The following MPND variants were observed in gnomAD, a reference collection of about 807,000 sequenced individuals.
MPND encodes MPN domain-containing protein.
In MPND, 56 loss-of-function variants were observed where a neutral mutation model predicts 59.2. The ratio of observed to expected loss-of-function variants is 0.95; its 90% CI spans 0.76 to 1.18. MPND has a LOEUF of 1.18. Among genes scored for constraint, MPND ranks in the 50% most tolerant of loss-of-function variants. The probability of loss-of-function intolerance (pLI) is 0.00; values close to 1 mark genes in which losing one functional copy is unlikely to be tolerated. For missense variants in MPND, 671 were observed against 676.0 expected, an observed-to-expected ratio of 0.99 and a Z score of 0.08; for synonymous variants, 323 against 291.9, an observed-to-expected ratio of 1.11 and a Z score of -1.09.
chr19:4,351,628 C>T lies in MPND; in HGVS notation c.532-1269C>T, dbSNP rs1036314148. ...CTTTAATCCCAGCACTTTGGGTGGC[C>T]GAGATGGGCAAATCACAAGGTCAGA... On this transcript the variant is annotated intron_variant, in intron 3 of 12. Transcript: ENST00000599840. Among the ~76,000 whole-genome samples, 220 of 147,838 alleles carry T rather than the reference C, an allele frequency of 1.5e-3. 1 individual carries two copies. Among genetic ancestry groups the T allele is most frequent in the African/African-American group, 5.3e-3 (213 of 40,080 alleles).
chr19:4,343,695 TCGCTGTC>T lies in MPND; in HGVS notation c.8-9_8-3del. On this transcript the variant is annotated splice_region_variant and splice_polypyrimidine_tract_variant and intron_variant, in intron 1 of 12. Transcript: ENST00000599840. ...GGGCGAGCGGCCTCCCTGCAGCCTC[TCGCTGTC>T]CGCAGCTCCGGAGCCGCTGTCCCCG... The T allele has an allele frequency of 8.4e-7, 1 of 1,195,364 alleles. No homozygotes were observed. Among genetic ancestry groups the T allele is most frequent in the Non-Finnish European group, 1.0e-6 (1 of 965,168 alleles). 74.0% of individuals were successfully genotyped at this position (1,195,364 alleles called of 1,614,324 possible).
intron 1 of MPND, 21 bp downstream of exon 1, chr19:4,343,621 C>A (rs1972115465): frequency 1.1e-6 from 1 of 883,650 alleles, no homozygotes; most frequent in East Asian, 5.2e-5. Context: ...CCCAGCGGGG[C>A]GGAGGCGCGG....
chr19:4,359,189 T>C lies in MPND; in HGVS notation c.1353T>C (p.Gly451=). 2 of 1,612,608 alleles carry C rather than the reference T, an allele frequency of 1.2e-6. No individual in the cohort carries two copies. Among genetic ancestry groups the C allele is most frequent in the Non-Finnish European group, 1.7e-6 (2 of 1,179,446 alleles). Reference sequence around the variant, plus strand: ...TGCTGCTGGTGGAGTTCTACAAGGGTTCCCCTGACCTCGTGAGGCTCCAGG... The same window carrying C: ...TGCTGCTGGTGGAGTTCTACAAGGGCTCCCCTGACCTCGTGAGGCTCCAGG... The part of the protein sequence containing the change: ...EMMLLVEFYK[G]SPDLVRLQEP... The change falls in exon 12 of 13, where the codon GGT becomes GGC. Residue 451 remains glycine, a synonymous_variant. Transcript: ENST00000599840.
At chr19:4,358,299 G>C (rs1972491085) in intron 11 of MPND, 127 bp downstream of exon 11, 3 of 805,862 alleles carry the variant, frequency 3.7e-6, no homozygotes, top group Non-Finnish European at 6.0e-6. Context: ...GCCTGGGTTA[G>C]GGCTTCTTCC....
At chr19:4,359,116 C>A (rs1180896115) in intron 11 of MPND, 47 bp from the exon 12 acceptor site, 3 of 1,416,644 alleles carry the variant, frequency 2.1e-6, no homozygotes, top group Non-Finnish European at 3.0e-6. Flanking sequence ...GCTGAGGTAC[C>A]TCAGGCTTGG....
chr19:4,353,027 C>G lies in MPND; in HGVS notation c.662C>G (p.Pro221Arg). 2 of 1,339,916 alleles carry G rather than the reference C, an allele frequency of 1.5e-6. No homozygotes were observed. The highest frequency in any genetic ancestry group is 1.9e-6 in the Non-Finnish European group (2 of 1,034,746). 83.0% of individuals were successfully genotyped at this position (1,339,916 alleles called of 1,614,324 possible). A position where few individuals can be genotyped will look rare whatever the true frequency, so the allele number is the denominator to read the frequency against. Residue 221 changes from proline to arginine, a missense_variant and splice_region_variant, in exon 4 of 13, where the codon CCG (proline) becomes CGG (arginine). Transcript: ENST00000599840. ...AAGAGCCCTTCAGAGCCTGCCCACC[C>G]GGGTGAGAGGCGTGGGGAGGGGAGG... ...LGKSPSEPAH[P>R]EATTPGKRVD...
At chr19:4,353,602 C>T (rs1382240638) in intron 4 of MPND, among the ~76,000 whole-genome samples, 1 of 151,968 alleles carries the variant, frequency 6.6e-6, no homozygotes, top group Non-Finnish European at 1.5e-5. Flanking sequence ...TGCTCTGTCC[C>T]CCAGGGCAGA....
intron 11 of MPND, among the ~76,000 whole-genome samples, chr19:4,358,743 C>T (rs914681777): frequency 6.6e-6 from 1 of 152,202 alleles, no homozygotes; most frequent in Non-Finnish European, 1.5e-5. Context: ...GCCGAGATCA[C>T]GCCACTGCGC....
intron 12 of MPND, among the ~76,000 whole-genome samples, chr19:4,359,681 C>G (rs896057750): frequency 2.6e-5 from 4 of 152,120 alleles, no homozygotes; most frequent in African/African-American, 9.7e-5. Flanking sequence ...GGGGCAGGAT[C>G]GGGAGTGTGC....
chr19:4,357,955 C>CGATCCCGGTGCA, intron 10 of MPND, 128 bp from the exon 11 acceptor site: 2 of 730,670 alleles, frequency 2.7e-6, no homozygotes, highest in Non-Finnish European at 4.6e-6. Flanking sequence ...CACCAGGTGC[C>CGATCCCGGTGCA]GATCCCGGTG....
chr19:4,355,624 C>T (rs956880455), intron 8 of MPND, among the ~76,000 whole-genome samples: 13 of 151,006 alleles, frequency 8.6e-5, no homozygotes, highest in Non-Finnish European at 5.9e-5. Context: ...CGTGAGCCAC[C>T]GTGCCCAGCT....
intron 4 of MPND, among the ~76,000 whole-genome samples, 193 bp downstream of exon 4, chr19:4,353,222 T>C (rs11085071): frequency 0.33 from 50,218 of 152,048 alleles, 8,783 homozygotes; most frequent in East Asian, 0.65. Flanking sequence ...TTTTACTCAC[T>C]GCCTTGACTT....
At chr19:4,359,096 C>T in intron 11 of MPND, 67 bp from the exon 12 acceptor site, 1 of 1,107,164 alleles carries the variant, frequency 9.0e-7, no homozygotes, top group East Asian at 2.4e-5. Flanking sequence ...ACTGGAACCC[C>T]AGGAGAGGCG....
At chr19:4,346,785 TTTTGG>T (rs1198314718) in intron 3 of MPND, among the ~76,000 whole-genome samples, 1 of 149,998 alleles carries the variant, frequency 6.7e-6, no homozygotes, top group Admixed American at 6.7e-5. Context: ...AATCCCAGCA[TTTTGG>T]GAGGCTGAAG....
intron 2 of MPND, among the ~76,000 whole-genome samples, 168 bp downstream of exon 2, chr19:4,344,162 C>G (rs1972134761): frequency 6.7e-6 from 1 of 148,832 alleles, no homozygotes; most frequent in Non-Finnish European, 1.5e-5. Flanking sequence ...AACTGAGGCC[C>G]GGGGCTCCGT....
intron 3 of MPND, among the ~76,000 whole-genome samples, chr19:4,347,546 G>A (rs1359133210): frequency 6.6e-6 from 1 of 151,950 alleles, no homozygotes; most frequent in East Asian, 1.9e-4. Flanking sequence ...GCTGCCTGTA[G>A]ATATGTTTTC....
chr19:4,359,965 TG>T lies in MPND; in HGVS notation c.1471del (p.Glu491AsnfsTer?), dbSNP rs748236149. 3.2e-6 allele frequency: 5 copies of T among 1,573,762 alleles called. No homozygotes were observed. In the Admixed American group the frequency reaches 7.2e-5, roughly 23 times the overall value. On this transcript the variant is annotated frameshift_variant, in exon 13 of 13. Coordinates refer to ENST00000599840, the MANE Select transcript of MPND (RefSeq NM_001300862.2). LOFTEE classifies it high-confidence loss of function. ...AAGGACCAGAGCCTGTGTCACGTCC[TG>T]GAACAGGTGTGCGGCGTCCTCAAGC... is the stretch of plus-strand genomic sequence containing the variant. ...TPKDQSLCHVLEQVCGVLKQG... is the reference protein window; with the variant it reads ...TPKDQSLCHVXEQVCGVLKQG...
At chr19:4,359,801 G>A in intron 12 of MPND, 115 bp from the exon 13 acceptor site, 1 of 781,734 alleles carries the variant, frequency 1.3e-6, no homozygotes, top group Non-Finnish European at 2.1e-6. Context: ...CCCCAGCCCT[G>A]TGCCTCGGTC....
chr19:4,347,216 A>T (rs1599566462), intron 3 of MPND: 1 of 150,932 alleles, frequency 6.6e-6, no homozygotes, highest in East Asian at 1.9e-4. Flanking sequence ...TATCAAGAGT[A>T]ATGTCCTTTC....
Sources: gnomAD v4.1 joint callset for allele counts (sites outside exome capture counted in the v4.1 genomes callset) on GRCh38, gnomAD v4.1.1 for gene constraint, MANE v1.5 for transcripts, NCBI Gene and HGNC (gene_info 2026-07-23, HGNC 2026-07-21) for gene names.